TASOR: variants seen among roughly 807,000 people sequenced by gnomAD.
TASOR encodes transcription activation suppressor.
A neutral mutation model predicts 178.6 loss-of-function variants in TASOR; 53 were observed. The ratio of observed to expected loss-of-function variants is 0.30; its 90% CI spans 0.24 to 0.37. The LOEUF is 0.37. Among genes scored for constraint, TASOR ranks in the 10% least tolerant of loss-of-function variants. The pLI, the probability that TASOR is intolerant of heterozygous loss-of-function variation, is 1.00. For synonymous variants in TASOR, 713 were observed against 696.2 expected (o/e 1.02, Z -0.38); for missense variants, 1,815 against 1,971.4 (o/e 0.92, Z 1.50).
Position 56,649,013 on chromosome 3 carries a change from G to A in TASOR, c.1413C>T (p.Leu471=). 1.2e-6 allele frequency: 2 copies of A among 1,608,380 alleles called. No individual in the cohort carries two copies. Among genetic ancestry groups the A allele is most frequent in the South Asian group, 1.1e-5 (1 of 89,080 alleles). Residue 471 remains leucine, a synonymous_variant, in exon 12 of 24, where the codon CTC becomes CTT. Transcript: ENST00000683822. ...PLGDRGYLFL[L]SPYQMVPPYE... ...ATGGAGGAACCATCTGATAAGGGGAGAGAAGAAAAAGGTATCCTCGGTCTC... is the reference window on the plus strand; with the variant it reads ...ATGGAGGAACCATCTGATAAGGGGAAAGAAGAAAAAGGTATCCTCGGTCTC...
In TASOR at chr3:56,646,511, T is replaced by G; in HGVS notation, c.2215+11A>C. Reference sequence around the variant, plus strand: ...ATTTTTGGCTGTTATAAGAGCAATCTGATATTTTACCTTCATACAGATGGC... The same window carrying G: ...ATTTTTGGCTGTTATAAGAGCAATCGGATATTTTACCTTCATACAGATGGC... On this transcript the variant is annotated intron_variant, in intron 14 of 23. Coordinates refer to ENST00000683822, the MANE Select transcript of TASOR (RefSeq NM_001365635.2). 1 of 1,578,030 alleles carries G rather than the reference T, an allele frequency of 6.3e-7. No homozygotes were observed. Among genetic ancestry groups the G allele is most frequent in the Non-Finnish European group, 8.6e-7 (1 of 1,166,264 alleles).
intron 11 of TASOR, among the ~76,000 whole-genome samples, chr3:56,658,831 C>G (rs895960104): frequency 6.6e-6 from 1 of 151,868 alleles, no homozygotes; most frequent in Non-Finnish European, 1.5e-5. Context: ...CGCTTGAACC[C>G]GGAAGGTTGA....
chr3:56,667,644 G>A (rs1355832099), intron 6 of TASOR, among the ~76,000 whole-genome samples: 3 of 152,176 alleles, frequency 2.0e-5, no homozygotes, highest in Non-Finnish European at 2.9e-5. Flanking sequence ...ACAACAGAGC[G>A]AGACTCCGTC....
intron 14 of TASOR, among the ~76,000 whole-genome samples, chr3:56,643,634 C>T (rs1467153067): frequency 6.6e-6 from 1 of 151,676 alleles, no homozygotes; most frequent in African/African-American, 2.4e-5. Flanking sequence ...TGGTGGCGGG[C>T]GCCCCAGCTA....
rs1210628874 is a variant in TASOR, at chr3:56,633,963, A to G, written c.2828T>C (p.Met943Thr). The change falls in exon 18 of 24, where the codon ATG becomes ACG. Residue 943 changes from methionine to threonine, a missense_variant. Transcript: ENST00000683822. The stretch of plus-strand genomic sequence containing the variant: ...CACCAGTTGTTCTTCTGGTGATTTC[A>G]TACCTATACAGGAAGAGTTCATTAT... ...GKHGEKQTPG[M>T]KSPEEQLVCV... 1 of 1,538,616 alleles carries G rather than the reference A, an allele frequency of 6.5e-7. No individual in the cohort carries two copies. Among genetic ancestry groups the G allele is most frequent in the South Asian group, 1.2e-5 (1 of 81,756 alleles).
Position 56,623,456 on chromosome 3 carries a change from C to T in TASOR, c.4594G>A (p.Glu1532Lys). 6.2e-7 allele frequency: 1 copy of T among 1,613,580 alleles called. No homozygotes were observed. Among genetic ancestry groups the T allele is most frequent in the Non-Finnish European group, 8.5e-7 (1 of 1,179,968 alleles). The part of the protein sequence containing the change: ...SNFHSEIWEK[E>K]TKGSRGTDQK... ...TCTGTTCCACGTGATCCTTTGGTCT[C>T]TTTCTCCCATATTTCTGAATGAAAA... Residue 1532 changes from glutamate to lysine, a missense_variant, in exon 24 of 24, where the codon GAG becomes AAG. By Grantham distance (56) the Glu-to-Lys change is moderately conservative. Around this residue, in one of 5 missense-constraint regions of TASOR, gnomAD observed 278 missense variants for 257.1 expected, o/e 1.08. Transcript: ENST00000683822.
intron 6 of TASOR, among the ~76,000 whole-genome samples, chr3:56,666,585 G>A (rs150196881): frequency 2.6e-5 from 4 of 152,126 alleles, no homozygotes; most frequent in South Asian, 2.1e-4. Flanking sequence ...ATCTAAGTGC[G>A]TAAGATCCCA....
At chr3:56,665,287 G>A (rs1350561780) in intron 7 of TASOR, among the ~76,000 whole-genome samples, 1 of 152,144 alleles carries the variant, frequency 6.6e-6, no homozygotes, top group African/African-American at 2.4e-5. Context: ...TTGTGGTGAG[G>A]CATGAGCATC....
At chr3:56,656,214 T>C (rs548475198) in intron 11 of TASOR, among the ~76,000 whole-genome samples, 8 of 152,356 alleles carry the variant, frequency 5.3e-5, no homozygotes, top group Middle Eastern at 3.4e-3. Context: ...AAATTTCACA[T>C]TGATCTGCAT....
intron 14 of TASOR, among the ~76,000 whole-genome samples, chr3:56,644,830 G>A (rs189067874): frequency 3.3e-5 from 5 of 152,202 alleles, no homozygotes; most frequent in Admixed American, 3.3e-4. Context: ...ATGTCAAATA[G>A]AACTTTCTGC....
chr3:56,680,573 ATTT>A (rs11391653), intron 1 of TASOR, among the ~76,000 whole-genome samples: 2 of 151,814 alleles, frequency 1.3e-5, no homozygotes, highest in Admixed American at 6.6e-5. Flanking sequence ...CTGTTTTTGA[ATTT>A]TTTTAATAAA....
In TASOR at chr3:56,620,577, T is replaced by C. The variant is rs933005013; in HGVS notation, c.*2460A>G. On this transcript the variant is annotated 3_prime_UTR_variant, in exon 24 of 24. Coordinates refer to ENST00000683822, the MANE Select transcript of TASOR (RefSeq NM_001365635.2). ...TACCAATACCCTCTGCATTTCAAAA[T>C]GTTGACTCAGATGTTTTTCCCTCTA... is the stretch of plus-strand genomic sequence containing the variant. The C allele has an allele frequency of 2.0e-5, 3 of 152,220 alleles. No individual in the cohort carries two copies. The highest frequency in any genetic ancestry group is 3.8e-4 in the East Asian group (2 of 5,202). The allele number at this position is 152,220 out of a possible 1,614,324, so 9.4% of individuals were successfully genotyped here. A position where few individuals can be genotyped will look rare whatever the true frequency, so the allele number is the denominator to read the frequency against.
chr3:56,674,198 G>GT (rs1180036686), intron 1 of TASOR, among the ~76,000 whole-genome samples: 9 of 93,982 alleles, frequency 9.6e-5, no homozygotes, highest in South Asian at 4.1e-4. Context: ...TGGTCTTTAA[G>GT]TTTAAAAAAA....
At chr3:56,677,416 T>G (rs1323640798) in intron 1 of TASOR, among the ~76,000 whole-genome samples, 2 of 152,332 alleles carry the variant, frequency 1.3e-5, no homozygotes, top group South Asian at 2.1e-4. Flanking sequence ...ACTAAGAGCT[T>G]TACATATATC....
chr3:56,621,599 G>GT lies in TASOR; in HGVS notation c.*1437dup. The stretch of plus-strand genomic sequence containing the variant: ...CCTTTAGCTGAAAATCAAGAAGAGA[G>GT]TTTTGGTTCTTCATTTTAAATGTAG... On this transcript the variant is annotated 3_prime_UTR_variant, in exon 24 of 24. Transcript: ENST00000683822. 6.3e-7 allele frequency: 1 copy of GT among 1,596,270 alleles called. No homozygotes were observed. The highest frequency in any genetic ancestry group is 8.5e-7 in the Non-Finnish European group (1 of 1,172,266).
intron 2 of TASOR, 112 bp from the exon 3 acceptor site, chr3:56,671,804 T>C (rs2030766697): frequency 1.4e-6 from 1 of 703,308 alleles, no homozygotes; most frequent in Non-Finnish European, 2.3e-6. Flanking sequence ...GGAAAAATAA[T>C]CTCTATCTCT....
At chr3:56,659,782 G>A (rs1025922172) in intron 11 of TASOR, among the ~76,000 whole-genome samples, 6 of 152,092 alleles carry the variant, frequency 3.9e-5, no homozygotes, top group African/African-American at 1.4e-4. Context: ...CCTGAATGAC[G>A]CTGTATGACA....
rs1376000025 is a variant in TASOR, at chr3:56,671,605, A to G, written c.565T>C (p.Tyr189His). ...TATAAAATGCGTTAACTCACCTGGTATCGATCAACCATCAGAAATGCATAG... is the reference window on the plus strand; with the variant it reads ...TATAAAATGCGTTAACTCACCTGGTGTCGATCAACCATCAGAAATGCATAG... ...ESYAFLMVDRYQVQTICEKGL... is the reference protein window; with the variant it reads ...ESYAFLMVDRHQVQTICEKGL... The change falls in exon 3 of 24, where the codon TAC becomes CAC. Residue 189 changes from tyrosine (Y) to histidine (H), a missense_variant. By Grantham distance (83) the Tyr-to-His change is moderately conservative. This residue lies in a region of TASOR where 504 missense variants were observed against 645.3 expected (regional missense o/e 0.78). Coordinates refer to ENST00000683822, the MANE Select transcript of TASOR (RefSeq NM_001365635.2). The G allele has an allele frequency of 6.5e-7, 1 of 1,546,310 alleles. No individual in the cohort carries two copies. Among genetic ancestry groups the G allele is most frequent in the Admixed American group, 2.0e-5 (1 of 50,508 alleles).
chr3:56,650,903 C>A (rs2077339475), intron 11 of TASOR, among the ~76,000 whole-genome samples: 1 of 152,174 alleles, frequency 6.6e-6, no homozygotes. Flanking sequence ...TAATATACTT[C>A]TTTTAATATT....
Sources: allele counts gnomAD v4.1 joint callset (sites outside exome capture counted in the v4.1 genomes callset), GRCh38; gene constraint gnomAD v4.1.1; regional missense constraint gnomAD v4.1.1; transcripts MANE v1.5; gene names NCBI Gene and HGNC (gene_info 2026-07-23, HGNC 2026-07-21).